MKI67: variants seen among roughly 807,000 people sequenced by gnomAD.
MKI67 encodes the protein proliferation marker protein Ki-67.
Under a neutral mutation model 233.5 loss-of-function variants are expected in MKI67, and 152 were observed. The observed-to-expected ratio is 0.65, with a 90% CI of 0.57 to 0.74. The LOEUF is 0.74. MKI67 is among the 30% of genes least tolerant of loss of function. MKI67 has a pLI of 0.00. For missense variants in MKI67, 3,940 were observed against 3,885.2 expected (o/e 1.01, Z -0.37); for synonymous variants, 1,465 against 1,418.5 (o/e 1.03, Z -0.74).
intron 13 of MKI67, 98 bp downstream of exon 13, chr10:128,102,481 G>C: frequency 2.8e-6 from 4 of 1,442,222 alleles, no homozygotes; most frequent in Non-Finnish European, 2.8e-6. Flanking sequence ...CTGGGGAAAG[G>C]ATAACCACTT....
intron 5 of MKI67, among the ~76,000 whole-genome samples, chr10:128,116,919 TA>T (rs1340863237): frequency 2.0e-5 from 3 of 152,144 alleles, no homozygotes; most frequent in African/African-American, 4.8e-5. Flanking sequence ...AAAATAAAAA[TA>T]AAAACAATAA....
rs1244499688 is a variant in MKI67 at position 128,115,241 on chromosome 10, A to G, written c.1167T>C (p.Thr389=). 6.2e-7 allele frequency: 1 copy of G among 1,614,094 alleles called. No individual in the cohort carries two copies. The highest frequency in any genetic ancestry group is 1.3e-5 in the African/African-American group (1 of 74,924). Residue 389 remains threonine, a synonymous_variant, in exon 7 of 15, where the codon ACT becomes ACC. Coordinates refer to ENST00000368654, the MANE Select transcript of MKI67 (RefSeq NM_002417.5). ...TAGTTGAAAGCTTCCTGGGAGTAAG[A>G]GTTTTATCACCAGCCTTGAAGCCTT... ...KSEGFKAGDK[T]LTPRKLSTRN... is the part of the protein sequence containing the mutation.
At chr10:128,116,413 G>A (rs945328438) in intron 6 of MKI67, 78 bp downstream of exon 6, 14 of 1,291,156 alleles carry the variant, frequency 1.1e-5, no homozygotes, top group African/African-American at 1.5e-5. Context: ...TTGCATTCTT[G>A]TTGCCCCTTC....
chr10:128,112,489 A>C, intron 8 of MKI67, 44 bp from the exon 9 acceptor site: 1 of 1,564,392 alleles, frequency 6.4e-7, no homozygotes. Flanking sequence ...ACAAGGATCT[A>C]ACATCTCTGG....
chr10:128,100,813 C>G (rs566319667), intron 14 of MKI67, among the ~76,000 whole-genome samples: 1 of 152,340 alleles, frequency 6.6e-6, no homozygotes, highest in South Asian at 2.1e-4. Flanking sequence ...GTCTCAGGGA[C>G]ATCCCAACTT....
rs1852480028 is a variant in MKI67 at position 128,105,968 on chromosome 10, T to A, written c.5872A>T (p.Lys1958Ter). The change falls in exon 13 of 15, where the codon AAA (lysine) becomes TAA (stop). Residue 1958 changes from lysine (K) to a stop codon, truncating the protein, a stop_gained. Coordinates refer to ENST00000368654, the MANE Select transcript of MKI67 (RefSeq NM_002417.5). LOFTEE classifies it high-confidence loss of function. The stretch of plus-strand genomic sequence containing the variant: ...TGACCTGGTGTCTGGAAGAGCTCTT[T>A]GAAGCCAGCCAGATCTTCTAGAGCC... ...AKALEDLAGF[K>*]ELFQTPGHTE... The A allele has an allele frequency of 6.2e-7, 1 of 1,614,132 alleles. No individual in the cohort carries two copies.
rs772240082 is a variant in MKI67, at chr10:128,116,484, T to C, written c.400+7A>G. Reference sequence around the variant, plus strand: ...GGATTCTGGAACAAAACCCAACCACTACTCACCAGGGTCAGAAGAGAAGCT... The same window carrying C: ...GGATTCTGGAACAAAACCCAACCACCACTCACCAGGGTCAGAAGAGAAGCT... On this transcript the variant is annotated splice_region_variant and intron_variant, in intron 6 of 14. Transcript: ENST00000368654. 2 of 1,613,550 alleles carry C rather than the reference T, an allele frequency of 1.2e-6. No homozygotes were observed. The highest frequency in any genetic ancestry group is 1.7e-6 in the Non-Finnish European group (2 of 1,179,508).
At position 128,125,826 on chromosome 10, in the gene MKI67, C is replaced by A. The variant is rs1045058710; in HGVS notation, c.-89-70G>T. On this transcript the variant is annotated intron_variant, in intron 1 of 14. Coordinates refer to ENST00000368654, the MANE Select transcript of MKI67 (RefSeq NM_002417.5). The surrounding 1 kb of genome is among the most constrained non-coding windows in gnomAD (Gnocchi z 5.3). ...AGGGCCCCGTGCCCAATTCACCTAT[C>A]CCCGGCCACAGAAGCGCACACCGCA... The A allele has an allele frequency of 3.1e-5, 21 of 684,328 alleles. No homozygotes were observed. The African/African-American group carries it at 3.4e-4, about 11-fold the overall frequency. 42.4% of individuals were successfully genotyped at this position (684,328 alleles called of 1,614,324 possible). A position where few individuals can be genotyped will look rare whatever the true frequency, so the allele number is the denominator to read the frequency against.
rs183980334 is a variant in MKI67, at chr10:128,125,720, G to T, written c.-53C>A. The T allele has an allele frequency of 1.6e-5, 24 of 1,467,318 alleles. No homozygotes were observed. The East Asian group carries it at 5.0e-4, about 30-fold the overall frequency. 90.9% of individuals were successfully genotyped at this position (1,467,318 alleles called of 1,614,324 possible). A position where few individuals can be genotyped will look rare whatever the true frequency, so the allele number is the denominator to read the frequency against. ...CGTAGGGGAAGGCCAGGTATAATCC[G>T]TAGGGGAAGGCCAGAAGCAAATTTA... On this transcript the variant is annotated 5_prime_UTR_variant, in exon 2 of 15. Coordinates refer to ENST00000368654, the MANE Select transcript of MKI67 (RefSeq NM_002417.5). The surrounding 1 kb of genome is among the most constrained non-coding windows in gnomAD (Gnocchi z 5.3).
In MKI67 at chr10:128,104,279, T is replaced by G. The variant is rs1355551967; in HGVS notation, c.7561A>C (p.Ser2521Arg). Residue 2521 changes from serine (S) to arginine (R), a missense_variant, in exon 13 of 15, where the codon AGC becomes CGC. Ser to Arg is a moderately radical substitution (Grantham distance 110). Transcript: ENST00000368654. ...GGAGACTCCTTAAACGCTTTGATGC[T>G]CTTACTATCTCCTGTTGGCTCTGTG... ...THTEPTGDSK[S>R]IKAFKESPKQ... 1.9e-6 allele frequency: 3 copies of G among 1,614,024 alleles called. No individual in the cohort carries two copies. The highest frequency in any genetic ancestry group is 1.7e-6 in the Non-Finnish European group (2 of 1,180,038).
At position 128,125,652 on chromosome 10, in the gene MKI67, G is replaced by C; in HGVS notation, c.16C>G (p.Arg6Gly). The C allele has an allele frequency of 6.2e-7, 1 of 1,613,808 alleles. No individual in the cohort carries two copies. Residue 6 changes from arginine to glycine, a missense_variant, in exon 2 of 15, where the codon CGC becomes GGC. Arg to Gly is a moderately radical substitution (Grantham distance 125). Coordinates refer to ENST00000368654, the MANE Select transcript of MKI67 (RefSeq NM_002417.5). This position sits in a 1 kb window ranked among gnomAD's most constrained non-coding sequence, Gnocchi z 5.3. MWPTR[R>G]LVTIKRSGVD... ...CCGCTCCTTTTGATAGTAACCAGGC[G>C]TCTCGTGGGCCACATTTTCTAAACA...
At chr10:128,111,375 G>T in intron 11 of MKI67, 1 of 336,940 alleles carries the variant, frequency 3.0e-6, no homozygotes, top group Non-Finnish European at 5.3e-6. Context: ...AGCTTTCTAT[G>T]TATACGCTGC....
Position 128,103,663 on chromosome 10 carries a change from G to A in MKI67, c.8177C>T (p.Thr2726Ile). 6.2e-7 allele frequency: 1 copy of A among 1,614,132 alleles called. No individual in the cohort carries two copies. ...TTTTACTTGTACCTTCTGCACACGT[G>A]TCCTGAGATGCCTCTTTGTGCTTGC... ...TTASTKRHLRTRVQKVQVKEE... is the reference protein window; with the variant it reads ...TTASTKRHLRIRVQKVQVKEE... Residue 2726 changes from threonine (T) to isoleucine (I), a missense_variant, in exon 13 of 15, where the codon ACA (threonine) becomes ATA (isoleucine). Physicochemically the swap from Thr to Ile is moderately conservative, Grantham distance 89. Transcript: ENST00000368654.
rs1305378311 is a variant in MKI67, at chr10:128,113,537, G to T, written c.1546C>A (p.Leu516Ile). 2 of 1,614,138 alleles carry T rather than the reference G, an allele frequency of 1.2e-6. No individual in the cohort carries two copies. Among genetic ancestry groups the T allele is most frequent in the East Asian group, 4.5e-5 (2 of 44,890 alleles). ...TTAGGAGGCAAGTTTTCATCAAATA[G>T]TTCAGGTCTTAGGTGCCCACCAAAG... is the stretch of plus-strand genomic sequence containing the variant. ...VSFGGHLRPE[L>I]FDENLPPNTP... The change falls in exon 8 of 15, where the codon CTA becomes ATA. Residue 516 changes from leucine (L) to isoleucine (I), a missense_variant. Coordinates refer to ENST00000368654, the MANE Select transcript of MKI67 (RefSeq NM_002417.5).
rs1180466107 is a variant in MKI67 at position 128,104,270 on chromosome 10, C to T, written c.7570G>A (p.Ala2524Thr). 1.2e-6 allele frequency: 2 copies of T among 1,614,094 alleles called. No individual in the cohort carries two copies. The highest frequency in any genetic ancestry group is 1.7e-5 in the Admixed American group (1 of 60,018). The stretch of plus-strand genomic sequence containing the variant: ...ATCTGCTTTGGAGACTCCTTAAACG[C>T]TTTGATGCTCTTACTATCTCCTGTT... ...EPTGDSKSIK[A>T]FKESPKQILD... is the part of the protein sequence containing the mutation. Residue 2524 changes from alanine to threonine, a missense_variant, in exon 13 of 15, where the codon GCG becomes ACG. Ala to Thr is a moderately conservative substitution (Grantham distance 58, BLOSUM62 0). Transcript: ENST00000368654.
rs991045102 is a variant in MKI67 at position 128,105,300 on chromosome 10, C to T, written c.6540G>A (p.Gln2180=). Reference sequence around the variant, plus strand: ...GGGCTTTTCCCTTAGGAGTTCTTGGCTGCCTCTTGCTACCAGTTACACTTG... The same window carrying T: ...GGGCTTTTCCCTTAGGAGTTCTTGGTTGCCTCTTGCTACCAGTTACACTTG... ...PAASVTGSKR[Q]PRTPKGKAQP... is the part of the protein sequence containing the mutation. Residue 2180 remains glutamine (Q), a synonymous_variant, in exon 13 of 15, where the codon CAG becomes CAA. Coordinates refer to ENST00000368654, the MANE Select transcript of MKI67 (RefSeq NM_002417.5). 6.2e-7 allele frequency: 1 copy of T among 1,614,110 alleles called. No individual in the cohort carries two copies. Among genetic ancestry groups the T allele is most frequent in the Non-Finnish European group, 8.5e-7 (1 of 1,180,040 alleles).
In MKI67 at chr10:128,103,494, G is replaced by A. The variant is rs749934302; in HGVS notation, c.8346C>T (p.Gly2782=). 6 of 1,613,684 alleles carry A rather than the reference G, an allele frequency of 3.7e-6. No homozygotes were observed. The African/African-American group carries it at 6.7e-5, about 18-fold the overall frequency. The part of the protein sequence containing the change: ...QTPAPAASVT[G]SRRRPRAPRE... ...TGGGTGCTCTTGGCCGTCTCCTGCT[G>A]CCAGTTACACTTGCTGCTGGAGCCG... is the stretch of plus-strand genomic sequence containing the variant. The change falls in exon 13 of 15, where the codon GGC becomes GGT. Residue 2782 remains glycine, a synonymous_variant. Coordinates refer to ENST00000368654, the MANE Select transcript of MKI67 (RefSeq NM_002417.5).
At position 128,106,165 on chromosome 10, in the gene MKI67, G is replaced by T. The variant is rs1852487545; in HGVS notation, c.5675C>A (p.Ala1892Glu). Reference sequence around the variant, plus strand: ...TGCTGATGGTGTTAGTTTCCTGAATGCTAAAAATTCTTCCTCTACGTCTGC... The same window carrying T: ...TGCTGATGGTGTTAGTTTCCTGAATTCTAAAAATTCTTCCTCTACGTCTGC... ...KKADVEEEFL[A>E]FRKLTPSAGK... Residue 1892 changes from alanine to glutamate, a missense_variant, in exon 13 of 15, where the codon GCA becomes GAA. Coordinates refer to ENST00000368654, the MANE Select transcript of MKI67 (RefSeq NM_002417.5). The T allele has an allele frequency of 6.2e-7, 1 of 1,613,708 alleles. No homozygotes were observed. Among genetic ancestry groups the T allele is most frequent in the Non-Finnish European group, 8.5e-7 (1 of 1,179,964 alleles).
intron 5 of MKI67, among the ~76,000 whole-genome samples, chr10:128,117,522 T>C (rs891004149): frequency 1.3e-5 from 2 of 152,246 alleles, no homozygotes; most frequent in East Asian, 3.8e-4. Context: ...GAATAACATA[T>C]ATATATAACT....
Sources: gnomAD v4.1 joint callset for allele counts (sites outside exome capture counted in the v4.1 genomes callset) on GRCh38, gnomAD v4.1.1 for gene constraint, Gnocchi (gnomAD v3.1) non-coding constraint, MANE v1.5 for transcripts, NCBI Gene and HGNC (gene_info 2026-07-23, HGNC 2026-07-21) for gene names.